The following GLIS3 variants were observed in gnomAD, a reference collection of about 807,000 sequenced individuals.
The protein encoded by GLIS3 is GLIS family zinc finger 3.
Under a neutral mutation model 78.6 loss-of-function variants are expected in GLIS3, and 53 were observed. The observed-to-expected ratio is 0.67, with a 90% confidence interval of 0.54 to 0.85. The LOEUF is 0.85. Ranked by LOEUF, GLIS3 falls within the 40% of genes least tolerant of loss-of-function variation. The probability of loss-of-function intolerance (pLI) is 0.00; values close to 1 mark genes in which losing one functional copy is unlikely to be tolerated. For synonymous variants in GLIS3, 684 were observed against 509.9 expected, an observed-to-expected ratio of 1.34 and a Z score of -4.60; for missense variants, 1,703 against 1,231.1, an observed-to-expected ratio of 1.38 and a Z score of -5.74.
chr9:4,359,300 A>G, the GLIS3 span, among the ~76,000 whole-genome samples: 7 of 151,894 alleles, frequency 4.6e-5, no homozygotes, highest in African/African-American at 1.7e-4. Flanking sequence ...ATGGCTCATC[A>G]GATCTTTTCT....
chr9:4,347,600 T>G (rs1000983466), intron 1 of GLIS3, among the ~76,000 whole-genome samples: 7 of 152,228 alleles, frequency 4.6e-5, no homozygotes, highest in African/African-American at 1.7e-4. Context: ...TGCTGAAGTT[T>G]GAGAATTATT....
chr9:4,482,285 T>G, the GLIS3 span, among the ~76,000 whole-genome samples: 2 of 152,228 alleles, frequency 1.3e-5, no homozygotes, highest in African/African-American at 4.8e-5. Flanking sequence ...GTCATATAAC[T>G]AATAGATAAG....
At chr9:4,058,776 C>G (rs1409352071) in intron 4 of GLIS3, among the ~76,000 whole-genome samples, 2 of 151,956 alleles carry the variant, frequency 1.3e-5, no homozygotes, top group South Asian at 4.1e-4. Flanking sequence ...GTCAGGAGAT[C>G]GAGACCATCC....
At chr9:3,982,058 A>C (rs572195803) in intron 4 of GLIS3, among the ~76,000 whole-genome samples, 11 of 152,324 alleles carry the variant, frequency 7.2e-5, no homozygotes, top group Admixed American at 3.3e-4. Flanking sequence ...TTATACCTTT[A>C]AAGAATGGCA....
intron 2 of GLIS3, among the ~76,000 whole-genome samples, chr9:4,138,535 G>A (rs1431639024): frequency 1.3e-5 from 2 of 152,120 alleles, no homozygotes; most frequent in Admixed American, 1.3e-4. Context: ...GAGGAGAGGG[G>A]GCAATATGAA....
chr9:4,351,213 A>G (rs1817966677), upstream of GLIS3, among the ~76,000 whole-genome samples: 1 of 152,138 alleles, frequency 6.6e-6, no homozygotes, highest in South Asian at 2.1e-4. Flanking sequence ...ACTGCACTCC[A>G]GCCTGGGAGA....
chr9:3,941,157 C>T (rs1417240507), intron 4 of GLIS3, among the ~76,000 whole-genome samples: 1 of 152,114 alleles, frequency 6.6e-6, no homozygotes, highest in Non-Finnish European at 1.5e-5. Flanking sequence ...GATCACTGTC[C>T]ATTTATTGAT....
chr9:4,048,829 T>A (rs1455825339), intron 4 of GLIS3, among the ~76,000 whole-genome samples: 1 of 152,174 alleles, frequency 6.6e-6, no homozygotes, highest in Non-Finnish European at 1.5e-5. Context: ...ACCAACAACT[T>A]AGTTACTTCC....
intron 2 of GLIS3, among the ~76,000 whole-genome samples, chr9:4,209,822 C>G (rs10814884): frequency 0.28 from 33,688 of 121,100 alleles, 4,881 homozygotes; most frequent in South Asian, 0.55. Flanking sequence ...CCCGCCCCCC[C>G]CCAGTTGTGA....
intron 4 of GLIS3, among the ~76,000 whole-genome samples, chr9:4,050,521 A>C (rs532506342): frequency 3.1e-3 from 476 of 152,266 alleles, no homozygotes; most frequent in African/African-American, 5.5e-3. Flanking sequence ...GGGTGCAGCA[A>C]GCCAACATGG....
chr9:4,306,306 A>C (rs1250079168), intron 4 of GLIS3, among the ~76,000 whole-genome samples: 1 of 152,046 alleles, frequency 6.6e-6, no homozygotes, highest in Admixed American at 6.6e-5. Flanking sequence ...TTTCAGGGTA[A>C]AGTTATGGCT....
intron 4 of GLIS3, among the ~76,000 whole-genome samples, chr9:4,011,396 A>G (rs977944240): frequency 3.9e-5 from 6 of 152,202 alleles, no homozygotes; most frequent in Non-Finnish European, 7.3e-5. Context: ...AGACAAAGAG[A>G]ACATAGAAAT....
At position 4,286,458 on chromosome 9, in the gene GLIS3, T is replaced by G; in HGVS notation, c.-33A>C. ...AACCTGTGGCCAAGACGGTCAAATA[T>G]CCAATGTCACTAATGACTCCTTTCA... On this transcript the variant is annotated 5_prime_UTR_variant, in exon 2 of 11. Coordinates refer to ENST00000381971, the MANE Select transcript of GLIS3 (RefSeq NM_001042413.2). 6.2e-7 allele frequency: 1 copy of G among 1,612,104 alleles called. No individual in the cohort carries two copies. Among genetic ancestry groups the G allele is most frequent in the South Asian group, 1.1e-5 (1 of 90,982 alleles).
At chr9:4,095,803 C>A (rs1829889949) in intron 4 of GLIS3, among the ~76,000 whole-genome samples, 1 of 152,156 alleles carries the variant, frequency 6.6e-6, no homozygotes, top group South Asian at 2.1e-4. Context: ...TTGTAGTTCT[C>A]CAATACGTCT....
chr9:4,190,102 T>G (rs1452674357), intron 2 of GLIS3, among the ~76,000 whole-genome samples: 1 of 151,966 alleles, frequency 6.6e-6, no homozygotes. Flanking sequence ...ACAGAAAAAC[T>G]GGAAACTCTA....
At chr9:4,355,767 C>G in the GLIS3 span, among the ~76,000 whole-genome samples, 1 of 152,272 alleles carries the variant, frequency 6.6e-6, no homozygotes, top group South Asian at 2.1e-4. Flanking sequence ...GCCATAGACC[C>G]TTTTCACCAA....
chr9:3,969,390 A>C (rs1818205359), intron 4 of GLIS3, among the ~76,000 whole-genome samples: 1 of 152,216 alleles, frequency 6.6e-6, no homozygotes, highest in African/African-American at 2.4e-5. Context: ...AATATCTCCA[A>C]AGAAGAAGAG....
chr9:3,967,659 G>A (rs1303275527), intron 4 of GLIS3, among the ~76,000 whole-genome samples: 1 of 152,154 alleles, frequency 6.6e-6, no homozygotes, highest in Non-Finnish European at 1.5e-5. Flanking sequence ...CTGTGATGCA[G>A]CTATCAAGAA....
intron 2 of GLIS3, among the ~76,000 whole-genome samples, chr9:4,186,458 T>C (rs1403820678): frequency 6.6e-6 from 1 of 151,942 alleles, no homozygotes; most frequent in Non-Finnish European, 1.5e-5. Context: ...ACAATAAACA[T>C]ATGTGTGCAT....
Sources: gnomAD v4.1 joint callset for allele counts (sites outside exome capture counted in the v4.1 genomes callset) on GRCh38, gnomAD v4.1.1 for gene constraint, MANE v1.5 for transcripts, NCBI Gene and HGNC (gene_info 2026-07-23, HGNC 2026-07-21) for gene names.